Variants in PCDHA7 observed in about 807,000 individuals in gnomAD.
The protein encoded by PCDHA7 is protocadherin alpha-7.
A neutral mutation model predicts 57.2 loss-of-function variants in PCDHA7; 37 were observed. That is an observed-to-expected ratio of 0.65 (90% CI 0.50 to 0.85). The LOEUF (loss-of-function observed/expected upper bound fraction) is 0.85. Ranked by LOEUF, PCDHA7 falls within the 40% of genes least tolerant of loss-of-function variation. The probability of loss-of-function intolerance (pLI) is 0.00; values close to 1 mark genes in which losing one functional copy is unlikely to be tolerated. For synonymous variants in PCDHA7, 553 were observed against 558.8 expected, an observed-to-expected ratio of 0.99 and a Z score of 0.15; for missense variants, 1,188 against 1,241.8, an observed-to-expected ratio of 0.96 and a Z score of 0.65.
At chr5:140,840,708 CA>C (rs1191329041) in intron 1 of PCDHA7, among the ~76,000 whole-genome samples, 5 of 151,964 alleles carry the variant, frequency 3.3e-5, no homozygotes, top group African/African-American at 1.2e-4. Context: ...GGCAATTTGA[CA>C]TTTATTGAAT....
At position 141,009,931 on chromosome 5, in the gene PCDHA7, C is replaced by T. The variant is rs2098415407; in HGVS notation, c.2808C>T (p.Asp936=). ...EKGNSTTDNS[D]Q ...GGAACAGCACGACTGACAACAGTGA[C>T]CAGTGAGGTCCTCAAATGGAAACAA... Residue 936 remains aspartate (D), a synonymous_variant, in exon 4 of 4, where the codon GAC becomes GAT. Transcript: ENST00000525929. The T allele has an allele frequency of 6.2e-7, 1 of 1,601,706 alleles. No individual in the cohort carries two copies. The highest frequency in any genetic ancestry group is 8.5e-7 in the Non-Finnish European group (1 of 1,175,864).
chr5:140,877,793 C>T, intron 1 of PCDHA7: 1 of 1,613,948 alleles, frequency 6.2e-7, no homozygotes, highest in Non-Finnish European at 8.5e-7. Flanking sequence ...GCCTTCAGCC[C>T]AAGCCTTCAG....
chr5:140,840,316 C>A (rs2150305705), intron 1 of PCDHA7, among the ~76,000 whole-genome samples: 1 of 151,756 alleles, frequency 6.6e-6, no homozygotes, highest in South Asian at 2.1e-4. Flanking sequence ...TAACTTTGGT[C>A]GACTCATTTT....
Position 140,882,079 on chromosome 5 carries a change from G to A in PCDHA7, c.2355+45341G>A. ...CTTACACGTTCATGCGCATGGTGTC[G>A]CTCTTCACTGAGAACGTTTCCGCGA... On this transcript the variant is annotated intron_variant, in intron 1 of 3. Transcript: ENST00000525929. The A allele has an allele frequency of 3.1e-6, 3 of 952,852 alleles. No homozygotes were observed. In the East Asian group the frequency reaches 7.8e-5, roughly 25 times the overall value. 59.0% of individuals were successfully genotyped at this position (952,852 alleles called of 1,614,324 possible). A position where few individuals can be genotyped will look rare whatever the true frequency, so the allele number is the denominator to read the frequency against.
At chr5:140,983,771 A>G (rs963720761) in intron 3 of PCDHA7, among the ~76,000 whole-genome samples, 2 of 152,222 alleles carry the variant, frequency 1.3e-5, no homozygotes, top group Admixed American at 6.5e-5. Flanking sequence ...ATACATATCT[A>G]CATACATAAC....
chr5:140,867,399 A>G (rs1001723593), intron 1 of PCDHA7: 2 of 152,166 alleles, frequency 1.3e-5, no homozygotes, highest in Non-Finnish European at 2.9e-5. Context: ...AAAAGTTGAT[A>G]TGTCTCCTTT....
chr5:140,835,546 C>A lies in PCDHA7; in HGVS notation c.1163C>A (p.Ser388Tyr), dbSNP rs1340907598. ...DFGVNGQVTCSLTPRVPFKLV... is the reference protein window; with the variant it reads ...DFGVNGQVTCYLTPRVPFKLV... ...GGAGTCAACGGACAGGTTACCTGCT[C>A]CCTGACGCCCCGCGTTCCCTTCAAG... The change falls in exon 1 of 4, where the codon TCC becomes TAC. Residue 388 changes from serine (S) to tyrosine (Y), a missense_variant. Coordinates refer to ENST00000525929, the MANE Select transcript of PCDHA7 (RefSeq NM_018910.3). 6.2e-7 allele frequency: 1 copy of A among 1,613,946 alleles called. No individual in the cohort carries two copies. Among genetic ancestry groups the A allele is most frequent in the African/African-American group, 1.3e-5 (1 of 75,056 alleles).
chr5:141,006,465 G>T (rs1338372692), intron 3 of PCDHA7, among the ~76,000 whole-genome samples: 3 of 151,948 alleles, frequency 2.0e-5, no homozygotes, highest in Non-Finnish European at 4.4e-5. Context: ...TGCCTGTCTC[G>T]GCCTCCCAAA....
chr5:140,875,765 G>T (rs1554167926), intron 1 of PCDHA7: 2 of 1,614,252 alleles, frequency 1.2e-6, no homozygotes, highest in Middle Eastern at 1.6e-4. Context: ...CTGTGCGGGC[G>T]GAGCGCGGAG....
At chr5:140,954,653 T>C (rs1467846481) in intron 1 of PCDHA7, among the ~76,000 whole-genome samples, 3 of 152,244 alleles carry the variant, frequency 2.0e-5, no homozygotes, top group Admixed American at 6.5e-5. Flanking sequence ...TTAAGTTCCT[T>C]GTAGACTCTG....
In PCDHA7 at chr5:140,950,041, A is replaced by G. The variant is rs139296187; in HGVS notation, c.2356-28908A>G. Among the ~76,000 whole-genome samples, 1,151 of 152,070 alleles carry G rather than the reference A, an allele frequency of 7.6e-3. 13 individuals carry two copies. The highest frequency in any genetic ancestry group is 0.01 in the Non-Finnish European group (711 of 67,812). On this transcript the variant is annotated intron_variant, in intron 1 of 3. Transcript: ENST00000525929. ...CATAAAATATAGAAAAGTTACAACC[A>G]TATAAGACTATTTAGCTCTTCCTGT... is the stretch of plus-strand genomic sequence containing the variant.
chr5:140,835,513 G>A lies in PCDHA7; in HGVS notation c.1130G>A (p.Arg377Gln). The A allele has an allele frequency of 6.2e-7, 1 of 1,613,936 alleles. No homozygotes were observed. Among genetic ancestry groups the A allele is most frequent in the Non-Finnish European group, 8.5e-7 (1 of 1,179,874 alleles). The change falls in exon 1 of 4, where the codon CGA (arginine) becomes CAA (glutamine). Residue 377 changes from arginine to glutamine, a missense_variant. Around this residue, in one of 3 missense-constraint regions of PCDHA7, gnomAD observed 892 missense variants for 788.5 expected, o/e 1.13. Transcript: ENST00000525929. The stretch of plus-strand genomic sequence containing the variant: ...ATCACATTGATTAGCGTGTTTGACC[G>A]AGATTTTGGAGTCAACGGACAGGTT... ...TVITLISVFDRDFGVNGQVTC... is the reference protein window; with the variant it reads ...TVITLISVFDQDFGVNGQVTC...
intron 1 of PCDHA7, chr5:140,927,599 C>T (rs1250728851): frequency 6.2e-7 from 1 of 1,614,070 alleles, no homozygotes; most frequent in African/African-American, 1.3e-5. Context: ...TTTGAGCGCT[C>T]CGTATACCGC....
intron 1 of PCDHA7, among the ~76,000 whole-genome samples, chr5:140,885,916 T>C (rs2060771663): frequency 1.3e-5 from 2 of 152,202 alleles, no homozygotes; most frequent in Admixed American, 1.3e-4. Flanking sequence ...CTTATAGATA[T>C]TAACTGTTTA....
intron 1 of PCDHA7, among the ~76,000 whole-genome samples, chr5:140,977,768 A>G (rs1264929933): frequency 1.3e-5 from 2 of 152,218 alleles, no homozygotes; most frequent in Non-Finnish European, 1.5e-5. Context: ...AATACTTTGC[A>G]TCCCTTAAAG....
intron 1 of PCDHA7, among the ~76,000 whole-genome samples, chr5:140,920,841 T>TA (rs781921146): frequency 0.047 from 5,179 of 109,134 alleles, 120 homozygotes; most frequent in African/African-American, 0.092. Flanking sequence ...AGACCAAATC[T>TA]AAAAAAAAAA....
Position 140,985,833 on chromosome 5 carries a change from G to A in PCDHA7, c.2503+3270G>A, listed in dbSNP as rs1458914557. Among the ~76,000 whole-genome samples the A allele has an allele frequency of 2.8e-5, 4 of 143,674 alleles. No homozygotes were observed. In the East Asian group the frequency reaches 6.5e-4, roughly 23 times the overall value. The allele number at this position is 143,674 out of a possible 152,430, so 94.3% of individuals were successfully genotyped here. A position where few individuals can be genotyped will look rare whatever the true frequency, so the allele number is the denominator to read the frequency against. ...CAGCTCACAACAAGCTCTGCCTCCC[G>A]GGTTCATGCCACTCTCCTGCCTCAG... On this transcript the variant is annotated intron_variant, in intron 3 of 3. Coordinates refer to ENST00000525929, the MANE Select transcript of PCDHA7 (RefSeq NM_018910.3).
chr5:140,988,411 A>G (rs2097296392), intron 3 of PCDHA7, among the ~76,000 whole-genome samples: 1 of 152,144 alleles, frequency 6.6e-6, no homozygotes, highest in South Asian at 2.1e-4. Context: ...TTCGCAGCTT[A>G]TGTAAAGAAT....
At chr5:140,861,304 A>G (rs1581606834) in intron 1 of PCDHA7, 1 of 189,694 alleles carries the variant, frequency 5.3e-6, no homozygotes, top group Non-Finnish European at 1.1e-5. Context: ...GTGAAGCGGG[A>G]AAGGACCAGT....
Sources: gnomAD v4.1 joint callset for allele counts (sites outside exome capture counted in the v4.1 genomes callset) on GRCh38, gnomAD v4.1.1 for gene constraint, gnomAD v4.1.1 regional missense constraint, MANE v1.5 for transcripts, NCBI Gene and HGNC (gene_info 2026-07-23, HGNC 2026-07-21) for gene names.